The following SORCS1 variants were observed in gnomAD, a reference collection of about 807,000 sequenced individuals.
The protein encoded by SORCS1 is sortilin related VPS10 domain containing receptor 1.
Under a neutral mutation model 146.1 loss-of-function variants are expected in SORCS1, and 60 were observed. The observed-to-expected ratio is 0.41, with a 90% CI of 0.33 to 0.51. The LOEUF (loss-of-function observed/expected upper bound fraction) is 0.51. SORCS1 is among the 20% of genes least tolerant of loss of function. The probability of loss-of-function intolerance (pLI) is 0.21; values close to 1 mark genes in which losing one functional copy is unlikely to be tolerated. For synonymous variants in SORCS1, 637 were observed against 584.0 expected, an observed-to-expected ratio of 1.09 and a Z score of -1.31; for missense variants, 1,352 against 1,487.6, an observed-to-expected ratio of 0.91 and a Z score of 1.50.
intron 19 of SORCS1, among the ~76,000 whole-genome samples, chr10:106,624,346 ATTTTTTTTTTTTT>A (rs57785797): frequency 1.3e-4 from 9 of 69,406 alleles, no homozygotes; most frequent in Non-Finnish European, 1.8e-4. Context: ...GTCAATGACG[ATTTTTTTTTTTTT>A]TTTTTTTTTT....
intron 17 of SORCS1, among the ~76,000 whole-genome samples, chr10:106,658,755 A>G (rs891740589): frequency 2.6e-5 from 4 of 152,208 alleles, no homozygotes; most frequent in Non-Finnish European, 5.9e-5. Context: ...CTATGTAACT[A>G]TAGATCTCTC....
Position 107,052,715 on chromosome 10 carries a change from A to T in SORCS1, c.559-96135T>A, listed in dbSNP as rs192899513. On this transcript the variant is annotated intron_variant, in intron 1 of 25. Transcript: ENST00000263054. ...GGATTTATTTTCCTCTTCTTCTCAT[A>T]TATCTCCATGAATTCTTATTCTGCT... Among the ~76,000 whole-genome samples the T allele has an allele frequency of 1.1e-4, 17 of 152,240 alleles. No individual in the cohort carries two copies. The South Asian group carries it at 3.1e-3, about 28-fold the overall frequency.
chr10:107,174,180 AATATGG>A, the SORCS1 span, among the ~76,000 whole-genome samples: 1 of 152,058 alleles, frequency 6.6e-6, no homozygotes, highest in Non-Finnish European at 1.5e-5. Context: ...TTAGTTTTCC[AATATGG>A]AAATCCTGCA....
At chr10:107,009,784 C>T (rs894748072) in intron 1 of SORCS1, among the ~76,000 whole-genome samples, 9 of 152,058 alleles carry the variant, frequency 5.9e-5, no homozygotes, top group African/African-American at 2.2e-4. Flanking sequence ...TTTTGACTTC[C>T]TTTAAATTGC....
At chr10:106,666,046 T>C (rs1326132084) in intron 17 of SORCS1, among the ~76,000 whole-genome samples, 1 of 152,190 alleles carries the variant, frequency 6.6e-6, no homozygotes, top group Non-Finnish European at 1.5e-5. Context: ...TTCACCATGT[T>C]AGCCAGGATG....
intron 2 of SORCS1, among the ~76,000 whole-genome samples, chr10:106,922,139 A>T (rs139330396): frequency 5.4e-4 from 83 of 152,380 alleles, no homozygotes; most frequent in Middle Eastern, 3.4e-3. Context: ...ATTAGAGCTT[A>T]GGAAAGAATG....
chr10:107,094,218 AAC>A (rs1964402002), intron 1 of SORCS1, among the ~76,000 whole-genome samples: 1 of 152,064 alleles, frequency 6.6e-6, no homozygotes, highest in African/African-American at 2.4e-5. Context: ...CCAGCACTCA[AAC>A]AGTGTCATAT....
intron 2 of SORCS1, among the ~76,000 whole-genome samples, chr10:106,876,572 G>A (rs1392966003): frequency 6.6e-6 from 1 of 151,812 alleles, no homozygotes; most frequent in Non-Finnish European, 1.5e-5. Context: ...AAGAAAAATG[G>A]TAAGTAATGT....
intron 1 of SORCS1, among the ~76,000 whole-genome samples, chr10:107,017,349 C>A (rs1276248146): frequency 6.6e-6 from 1 of 152,096 alleles, no homozygotes; most frequent in Non-Finnish European, 1.5e-5. Flanking sequence ...ACGAAATAAC[C>A]AATATAAATA....
chr10:107,144,090 C>G (rs940652451), intron 1 of SORCS1, among the ~76,000 whole-genome samples: 3 of 152,148 alleles, frequency 2.0e-5, no homozygotes, highest in Non-Finnish European at 4.4e-5. Context: ...TATCCTTCCC[C>G]TTAGAGCTTG....
At chr10:106,737,434 AT>A (rs1040833046) in intron 5 of SORCS1, among the ~76,000 whole-genome samples, 78 of 61,780 alleles carry the variant, frequency 1.3e-3, no homozygotes, top group African/African-American at 2.9e-3. Context: ...TTAAATAAAT[AT>A]TTTTTTTAAA....
intron 19 of SORCS1, among the ~76,000 whole-genome samples, chr10:106,624,835 C>T (rs573886457): frequency 1.2e-3 from 178 of 152,298 alleles, no homozygotes; most frequent in Non-Finnish European, 2.2e-3. Flanking sequence ...TTACTTTTCA[C>T]GGGTTTAAAA....
At chr10:107,067,384 A>T (rs1189413289) in intron 1 of SORCS1, among the ~76,000 whole-genome samples, 1 of 152,028 alleles carries the variant, frequency 6.6e-6, no homozygotes, top group African/African-American at 2.4e-5. Flanking sequence ...TGTATCTGGG[A>T]AAAGATCATA....
chr10:106,581,004 G>T (rs911544152), intron 24 of SORCS1, among the ~76,000 whole-genome samples: 3 of 152,072 alleles, frequency 2.0e-5, no homozygotes, highest in Admixed American at 2.0e-4. Context: ...GATGGGTGGG[G>T]TCCCACTGCC....
In SORCS1 at chr10:106,950,803, C is replaced by T. The variant is rs931380724; in HGVS notation, c.626+5710G>A. On this transcript the variant is annotated intron_variant, in intron 2 of 25. Transcript: ENST00000263054. ...TATAGGCTACTACTTGCTAATTGTG[C>T]GACCTTGGGCACACCATAAAAATGA... is the stretch of plus-strand genomic sequence containing the variant. Among the ~76,000 whole-genome samples the T allele has an allele frequency of 4.6e-5, 7 of 152,142 alleles. No homozygotes were observed. The South Asian group carries it at 6.2e-4, about 14-fold the overall frequency.
At chr10:106,761,556 C>A in intron 5 of SORCS1, 32 bp downstream of exon 5, 1 of 1,592,406 alleles carries the variant, frequency 6.3e-7, no homozygotes, top group Non-Finnish European at 8.6e-7. Context: ...TAGGTCATAT[C>A]TTAATGTGCT....
rs758987756 is a variant in SORCS1, at chr10:106,699,223, G to A, written c.1404C>T (p.Asp468=). ...SRGPEGNIMI[D]LYEVAGIKGM... ...ATGCCTCGTGACATACCTCATAGAG[G>A]TCGATCATGATGTTGCCCTCAGGGC... is the stretch of plus-strand genomic sequence containing the variant. Residue 468 remains aspartate, a synonymous_variant, in exon 9 of 26, where the codon GAC becomes GAT. Coordinates refer to ENST00000263054, the MANE Select transcript of SORCS1 (RefSeq NM_052918.5). 2 of 1,611,712 alleles carry A rather than the reference G, an allele frequency of 1.2e-6. No individual in the cohort carries two copies. The highest frequency in any genetic ancestry group is 1.3e-5 in the African/African-American group (1 of 74,860).
chr10:107,164,655 G>A lies in SORCS1; in HGVS notation c.-129C>T, dbSNP rs1207752561. The A allele has an allele frequency of 5.5e-6, 4 of 721,592 alleles. No individual in the cohort carries two copies. The highest frequency in any genetic ancestry group is 1.8e-5 in the African/African-American group (1 of 54,118). 44.7% of individuals were successfully genotyped at this position (721,592 alleles called of 1,614,324 possible). A position where few individuals can be genotyped will look rare whatever the true frequency, so the allele number is the denominator to read the frequency against. ...ATCCAAGTTGCGCCGCGGTGGGGGC[G>A]GGCGGAGGCGGCGCCGGGCAGGTGG... On this transcript the variant is annotated 5_prime_UTR_variant, in exon 1 of 26. Transcript: ENST00000263054. The surrounding 1 kb of genome is among the most constrained non-coding windows in gnomAD (Gnocchi z 6.8).
chr10:107,120,023 GA>G (rs1966295687), intron 1 of SORCS1, among the ~76,000 whole-genome samples: 1 of 151,932 alleles, frequency 6.6e-6, no homozygotes, highest in Admixed American at 6.6e-5. Flanking sequence ...TATCTTTTCA[GA>G]GCACAAAGCA....
Sources: gnomAD v4.1 joint callset for allele counts (sites outside exome capture counted in the v4.1 genomes callset) on GRCh38, gnomAD v4.1.1 for gene constraint, Gnocchi (gnomAD v3.1) non-coding constraint, MANE v1.5 for transcripts, NCBI Gene and HGNC (gene_info 2026-07-23, HGNC 2026-07-21) for gene names.